LOC122539214: variants seen among roughly 807,000 people sequenced by gnomAD.
the LOC122539214 span, among the ~76,000 whole-genome samples, chr19:52,680,892 G>T: frequency 6.6e-6 from 1 of 151,652 alleles, no homozygotes. Context: ...GATTACAGGC[G>T]TGAGCCACCG....
At chr19:52,666,276 G>A in the LOC122539214 span, among the ~76,000 whole-genome samples, 39 of 151,872 alleles carry the variant, frequency 2.6e-4, no homozygotes, top group Non-Finnish European at 4.6e-4. Flanking sequence ...TCAGAAAAGA[G>A]AGAGAGAGAG....
the LOC122539214 span, chr19:52,654,239 C>A: frequency 6.3e-7 from 1 of 1,576,578 alleles, no homozygotes; most frequent in Non-Finnish European, 8.7e-7. Flanking sequence ...CTTTTAATTT[C>A]TTGCCACTGA....
At chr19:52,671,797 G>A in the LOC122539214 span, among the ~76,000 whole-genome samples, 1 of 152,218 alleles carries the variant, frequency 6.6e-6, no homozygotes, top group African/African-American at 2.4e-5. Flanking sequence ...GTTCTATCAG[G>A]TGGGAATAAC....
chr19:52,669,525 T>A, the LOC122539214 span, among the ~76,000 whole-genome samples: 1 of 152,158 alleles, frequency 6.6e-6, no homozygotes, highest in Non-Finnish European at 1.5e-5. Context: ...GATATTAGCA[T>A]AAAAAGGAAG....
chr19:52,686,643 A>G, the LOC122539214 span, among the ~76,000 whole-genome samples: 29 of 152,130 alleles, frequency 1.9e-4, no homozygotes, highest in South Asian at 5.8e-3. Flanking sequence ...ACATGATTTC[A>G]GCTCACTGCA....
At chr19:52,676,600 C>T in the LOC122539214 span, among the ~76,000 whole-genome samples, 6 of 151,386 alleles carry the variant, frequency 4.0e-5, no homozygotes, top group Non-Finnish European at 8.9e-5. Flanking sequence ...GCCCCTCTGC[C>T]TGGCCACCAC....
chr19:52,678,806 T>C, the LOC122539214 span, among the ~76,000 whole-genome samples: 1 of 151,980 alleles, frequency 6.6e-6, no homozygotes, highest in East Asian at 1.9e-4. Context: ...AAAACCTGTC[T>C]CTACTAAAAA....
chr19:52,666,350 A>G, the LOC122539214 span, among the ~76,000 whole-genome samples: 1 of 151,988 alleles, frequency 6.6e-6, no homozygotes, highest in Non-Finnish European at 1.5e-5. Flanking sequence ...TAAAACCTAT[A>G]ATTGATAATT....
chr19:52,654,412 T>C, the LOC122539214 span: 7 of 1,072,610 alleles, frequency 6.5e-6, no homozygotes, highest in Admixed American at 5.0e-5. Flanking sequence ...ATCTAAAAAA[T>C]ATAAAGACCA....
chr19:52,680,705 C>T, the LOC122539214 span, among the ~76,000 whole-genome samples: 10 of 141,084 alleles, frequency 7.1e-5, no homozygotes, highest in Admixed American at 1.4e-4. Flanking sequence ...CTCCGCCTCC[C>T]GGGTTCACGC....
the LOC122539214 span, among the ~76,000 whole-genome samples, chr19:52,680,606 A>ATTTTTTTTT: frequency 5.6e-5 from 5 of 88,960 alleles, no homozygotes; most frequent in African/African-American, 2.3e-4. Flanking sequence ...TCCACAAAAT[A>ATTTTTTTTT]TTTTTTTTTT....
chr19:52,654,223 C>T, the LOC122539214 span: 2 of 1,584,712 alleles, frequency 1.3e-6, no homozygotes, highest in South Asian at 1.1e-5. Flanking sequence ...TGCTTCATGG[C>T]CATTTCTTTT....
At chr19:52,665,603 C>G in the LOC122539214 span, among the ~76,000 whole-genome samples, 1 of 152,026 alleles carries the variant, frequency 6.6e-6, no homozygotes, top group South Asian at 2.1e-4. Flanking sequence ...ATAAAGCAAC[C>G]TTTTTTAATC....
the LOC122539214 span, among the ~76,000 whole-genome samples, chr19:52,677,884 C>T: frequency 0.01 from 1,555 of 151,646 alleles, 25 homozygotes; most frequent in African/African-American, 0.027. Flanking sequence ...AAATACAAAA[C>T]ATTAGCTGGG....
the LOC122539214 span, among the ~76,000 whole-genome samples, chr19:52,679,696 G>A: frequency 2.0e-5 from 3 of 152,108 alleles, no homozygotes; most frequent in Non-Finnish European, 4.4e-5. Flanking sequence ...CCTGGTCCAC[G>A]CTGACAATTC....
At chr19:52,665,311 G>A in the LOC122539214 span, among the ~76,000 whole-genome samples, 1 of 152,016 alleles carries the variant, frequency 6.6e-6, no homozygotes. Flanking sequence ...AGCTACTCAG[G>A]AAGCAGGGGT....
chr19:52,662,604 T>C, the LOC122539214 span, among the ~76,000 whole-genome samples: 51 of 152,170 alleles, frequency 3.4e-4, 1 homozygote, highest in Non-Finnish European at 6.3e-4. Flanking sequence ...TTAAAATTCA[T>C]ATTACACCTG....
the LOC122539214 span, chr19:52,654,313 T>C: frequency 6.7e-7 from 1 of 1,490,092 alleles, no homozygotes; most frequent in Non-Finnish European, 9.3e-7. Context: ...GTGATGACTT[T>C]TATGTCTTTG....
At chr19:52,671,478 C>A in the LOC122539214 span, among the ~76,000 whole-genome samples, 1 of 151,362 alleles carries the variant, frequency 6.6e-6, no homozygotes, top group Non-Finnish European at 1.5e-5. Flanking sequence ...GGACCTAGTT[C>A]TGTCACCCCG....
Sources: allele counts gnomAD v4.1 joint callset (sites outside exome capture counted in the v4.1 genomes callset), GRCh38; gene constraint gnomAD v4.1.1; transcripts MANE v1.5.